Variants in TRHDE observed in about 807,000 individuals in gnomAD.
TRHDE encodes thyrotropin-releasing hormone-degrading ectoenzyme.
TRHDE carries 72 observed loss-of-function variants against 125.7 expected under a neutral mutation model. The ratio of observed to expected loss-of-function variants is 0.57; its 90% confidence interval spans 0.47 to 0.70. The LOEUF (loss-of-function observed/expected upper bound fraction) is 0.70. Ranked by LOEUF, TRHDE falls within the 30% of genes least tolerant of loss-of-function variation. The pLI, the probability that TRHDE is intolerant of heterozygous loss-of-function variation, is 0.00. For missense variants in TRHDE, 1,110 were observed against 1,327.1 expected (o/e 0.84, Z 2.54); for synonymous variants, 509 against 509.1 (o/e 1.00, Z 0.00).
intron 5 of TRHDE, 23 bp downstream of exon 5, chr12:72,473,203 A>G (rs776146271): frequency 6.3e-7 from 1 of 1,590,376 alleles, no homozygotes. Flanking sequence ...GAATTATTTG[A>G]AACTTTTAGT....
At chr12:72,314,001 C>T (rs1300419173) in intron 2 of TRHDE, among the ~76,000 whole-genome samples, 4 of 152,072 alleles carry the variant, frequency 2.6e-5, no homozygotes, top group Non-Finnish European at 5.9e-5. Context: ...GCAAGGAAAG[C>T]CTATATGTAA....
At chr12:72,606,329 G>A (rs2136064513) in intron 12 of TRHDE, among the ~76,000 whole-genome samples, 1 of 152,294 alleles carries the variant, frequency 6.6e-6, no homozygotes, top group African/African-American at 2.4e-5. Flanking sequence ...AGGGGAAAAT[G>A]AATGTGCTGG....
intron 2 of TRHDE, among the ~76,000 whole-genome samples, chr12:72,131,663 C>G (rs1362875647): frequency 6.6e-6 from 1 of 152,202 alleles, no homozygotes; most frequent in Non-Finnish European, 1.5e-5. Context: ...TGGCTGCTGT[C>G]TGGCGACAGC....
intron 3 of TRHDE, among the ~76,000 whole-genome samples, chr12:72,455,152 A>G (rs1875781769): frequency 6.6e-6 from 1 of 152,156 alleles, no homozygotes; most frequent in Non-Finnish European, 1.5e-5. Context: ...TTAGAAACTT[A>G]ATGTCTTTGA....
chr12:72,304,953 T>C (rs1159330265), intron 2 of TRHDE, among the ~76,000 whole-genome samples: 2 of 152,104 alleles, frequency 1.3e-5, no homozygotes, highest in African/African-American at 4.8e-5. Flanking sequence ...AAATTGGTCT[T>C]AATGTCCCAC....
chr12:72,493,826 G>C (rs1877789875), intron 5 of TRHDE, among the ~76,000 whole-genome samples: 1 of 151,884 alleles, frequency 6.6e-6, no homozygotes, highest in African/African-American at 2.4e-5. Flanking sequence ...ATTCCTCCTA[G>C]AAAACTCACA....
chr12:72,573,744 TATC>T (rs1307564172), intron 10 of TRHDE, among the ~76,000 whole-genome samples: 1 of 151,988 alleles, frequency 6.6e-6, no homozygotes, highest in Non-Finnish European at 1.5e-5. Flanking sequence ...GAAAAATGTA[TATC>T]ATATTATAGT....
chr12:72,485,698 G>A (rs1249337800), intron 5 of TRHDE, among the ~76,000 whole-genome samples: 1 of 152,164 alleles, frequency 6.6e-6, no homozygotes, highest in Non-Finnish European at 1.5e-5. Context: ...CATACAAAGG[G>A]ATGCAGAGGC....
At chr12:72,244,353 A>T (rs569798649) in intron 2 of TRHDE, among the ~76,000 whole-genome samples, 14 of 152,268 alleles carry the variant, frequency 9.2e-5, no homozygotes, top group Admixed American at 2.6e-4. Context: ...TATGCATTTA[A>T]CAACGCTGTT....
intron 18 of TRHDE, among the ~76,000 whole-genome samples, chr12:72,662,298 T>G (rs1379304033): frequency 3.3e-5 from 5 of 152,206 alleles, no homozygotes; most frequent in Non-Finnish European, 7.3e-5. Flanking sequence ...GAAAAACTTC[T>G]GGTATTTAAT....
At chr12:72,279,866 A>G (rs998827669) in intron 1 of TRHDE, among the ~76,000 whole-genome samples, 2 of 152,182 alleles carry the variant, frequency 1.3e-5, no homozygotes, top group African/African-American at 4.8e-5. Flanking sequence ...GTGCTGCAGG[A>G]TGAAGTTTTG....
chr12:72,539,855 C>G (rs956923906), intron 6 of TRHDE, among the ~76,000 whole-genome samples: 4 of 151,744 alleles, frequency 2.6e-5, no homozygotes, highest in African/African-American at 9.7e-5. Context: ...AATAGTATGT[C>G]TACTTTTCAT....
chr12:72,467,460 G>T (rs1465151278), intron 3 of TRHDE, among the ~76,000 whole-genome samples: 1 of 152,016 alleles, frequency 6.6e-6, no homozygotes, highest in Non-Finnish European at 1.5e-5. Flanking sequence ...CACTTATGCT[G>T]AGTCTAAAAT....
chr12:72,501,889 C>A (rs187465611), intron 6 of TRHDE, among the ~76,000 whole-genome samples: 6 of 152,024 alleles, frequency 3.9e-5, no homozygotes, highest in African/African-American at 1.4e-4. Context: ...TATTTTAATG[C>A]GAGCATTGGT....
chr12:72,381,615 C>T (rs1592405124), intron 3 of TRHDE, among the ~76,000 whole-genome samples: 1 of 152,094 alleles, frequency 6.6e-6, no homozygotes, highest in South Asian at 2.1e-4. Flanking sequence ...CCGGGATGGT[C>T]TCGATCTCCT....
intron 2 of TRHDE, among the ~76,000 whole-genome samples, chr12:72,337,752 C>T (rs1447366745): frequency 6.6e-6 from 1 of 152,084 alleles, no homozygotes; most frequent in Non-Finnish European, 1.5e-5. Flanking sequence ...TCACTGCTGC[C>T]TCCCTGCCTT....
At chr12:72,139,073 T>C (rs1345380533) in intron 2 of TRHDE, among the ~76,000 whole-genome samples, 1 of 152,216 alleles carries the variant, frequency 6.6e-6, no homozygotes, top group Non-Finnish European at 1.5e-5. Context: ...GTTACCATGG[T>C]GATTTTGAAA....
rs868119327 is a variant in TRHDE at position 72,150,802 on chromosome 12, T to G, written n.279+45050T>G. ...TTTTCTTAATCCAGTCTATCATTGT[T>G]GGACATTTGGGTTGTTTCCAAGTCT... On this transcript the variant is annotated intron_variant and non_coding_transcript_variant, in intron 2 of 4. Transcript: ENST00000548156. 3.4e-4 allele frequency among the ~76,000 whole-genome samples: 52 copies of G among 152,260 alleles called. 1 individual carries two copies. Among genetic ancestry groups the G allele is most frequent in the Admixed American group, 1.0e-3 (16 of 15,288 alleles).
chr12:72,184,802 A>C (rs1877167477), intron 2 of TRHDE, among the ~76,000 whole-genome samples: 1 of 152,170 alleles, frequency 6.6e-6, no homozygotes, highest in African/African-American at 2.4e-5. Context: ...AGATTTTCCA[A>C]ATCTGGTTCA....
Sources: gnomAD v4.1 joint callset for allele counts (sites outside exome capture counted in the v4.1 genomes callset) on GRCh38, gnomAD v4.1.1 for gene constraint, MANE v1.5 for transcripts, NCBI Gene and HGNC (gene_info 2026-07-23, HGNC 2026-07-21) for gene names.